MRAP: variants seen among roughly 807,000 people sequenced by gnomAD.
MRAP encodes melanocortin-2 receptor accessory protein.
MRAP carries 8 observed loss-of-function variants against 8.7 expected under a neutral mutation model. That is an observed-to-expected ratio of 0.92 (90% CI 0.54 to 1.66). The LOEUF is 1.66. Among genes scored for constraint, MRAP ranks in the 40% most tolerant of loss-of-function variants. The pLI is 0.00. For synonymous variants in MRAP, 95 were observed against 95.5 expected (o/e 1.00, Z 0.03); for missense variants, 237 against 217.1 (o/e 1.09, Z -0.58).
chr21:32,307,721 A>G (rs1055836622), intron 2 of MRAP, among the ~76,000 whole-genome samples: 2 of 151,602 alleles, frequency 1.3e-5, no homozygotes, highest in Non-Finnish European at 2.9e-5. Context: ...AAAATAACAA[A>G]AAGTTAGCTG....
intron 1 of MRAP, among the ~76,000 whole-genome samples, chr21:32,300,012 G>C (rs1364267701): frequency 6.6e-6 from 1 of 152,188 alleles, no homozygotes; most frequent in African/African-American, 2.4e-5. Context: ...GGAAGATTGG[G>C]TCTCAGCCCT....
At chr21:32,296,648 T>C (rs1441530148), upstream of MRAP, among the ~76,000 whole-genome samples, 1 of 152,204 alleles carries the variant, frequency 6.6e-6, no homozygotes, top group Non-Finnish European at 1.5e-5. Flanking sequence ...ATTGTTACTA[T>C]GCTGAATACT....
chr21:32,314,765 T>C, downstream of MRAP: 5 of 1,426,342 alleles, frequency 3.5e-6, no homozygotes, highest in Non-Finnish European at 9.6e-7. Flanking sequence ...AATAAAGTCC[T>C]CTCAACTTTT....
At chr21:32,314,401 T>C (rs1601114383), downstream of MRAP, 1 of 663,906 alleles carries the variant, frequency 1.5e-6, no homozygotes, top group East Asian at 3.0e-5. Flanking sequence ...GGAAGGCTGG[T>C]TTCGAACTCC....
intron 2 of MRAP, among the ~76,000 whole-genome samples, chr21:32,310,836 G>A (rs1027066008): frequency 3.9e-5 from 6 of 151,936 alleles, no homozygotes; most frequent in South Asian, 2.1e-4. Context: ...CAGTAGAGAC[G>A]GGGTTTCCCT....
chr21:32,305,190 C>T (rs570014148), intron 1 of MRAP, among the ~76,000 whole-genome samples: 3 of 152,124 alleles, frequency 2.0e-5, no homozygotes, highest in African/African-American at 7.2e-5. Flanking sequence ...AGGCTGGTCT[C>T]GAACTCCTGG....
intron 2 of MRAP, among the ~76,000 whole-genome samples, chr21:32,308,889 G>T (rs1417189140): frequency 6.6e-6 from 1 of 152,190 alleles, no homozygotes; most frequent in Non-Finnish European, 1.5e-5. Flanking sequence ...GAAACCCTAA[G>T]CGTAGGAAGC....
At chr21:32,307,962 T>TA (rs2032460206) in intron 2 of MRAP, among the ~76,000 whole-genome samples, 1 of 152,182 alleles carries the variant, frequency 6.6e-6, no homozygotes, top group Non-Finnish European at 1.5e-5. Context: ...ATTGTACTCT[T>TA]TAAATGAGTC....
rs1054361758 is a variant in MRAP at position 32,306,498 on chromosome 21, C to T, written c.107-142C>T. The T allele has an allele frequency of 2.9e-5, 21 of 716,832 alleles. No homozygotes were observed. The African/African-American group carries it at 3.5e-4, about 12-fold the overall frequency. 44.4% of individuals were successfully genotyped at this position (716,832 alleles called of 1,614,324 possible). On this transcript the variant is annotated intron_variant, in intron 1 of 2. Coordinates refer to ENST00000303645, the MANE Select transcript of MRAP (RefSeq NM_001379228.1). Reference sequence around the variant, plus strand: ...AAAGTTATTGTTAATGGGAGATCTTCCCCATGGTAACAGCTGAGAGGCTGG... The same window carrying T: ...AAAGTTATTGTTAATGGGAGATCTTTCCCATGGTAACAGCTGAGAGGCTGG...
At chr21:32,306,085 G>A (rs573711712) in intron 1 of MRAP, among the ~76,000 whole-genome samples, 155 of 152,260 alleles carry the variant, frequency 1.0e-3, no homozygotes, top group South Asian at 1.2e-3. Context: ...CCACCTTGCC[G>A]ATCCAGGCAT....
At chr21:32,305,436 A>T (rs1031915558) in intron 1 of MRAP, among the ~76,000 whole-genome samples, 3 of 152,120 alleles carry the variant, frequency 2.0e-5, no homozygotes, top group African/African-American at 7.2e-5. Flanking sequence ...CTCTATGTAG[A>T]TTACTCTCAC....
At chr21:32,294,057 T>C (rs1209332341), upstream of MRAP, among the ~76,000 whole-genome samples, 2 of 152,168 alleles carry the variant, frequency 1.3e-5, no homozygotes, top group African/African-American at 2.4e-5. Context: ...CTGGAAAATG[T>C]AGGAAGGTCT....
chr21:32,310,296 A>G (rs1355876846), intron 2 of MRAP, among the ~76,000 whole-genome samples: 1 of 148,106 alleles, frequency 6.8e-6, no homozygotes, highest in African/African-American at 2.5e-5. Flanking sequence ...CCTCAGCAAG[A>G]TTTAGGAGTC....
At chr21:32,311,410 C>A in intron 2 of MRAP, 1 of 271,102 alleles carries the variant, frequency 3.7e-6, no homozygotes, top group South Asian at 6.9e-5. Flanking sequence ...TCCCCTCCAC[C>A]CCCCACCCCC....
At chr21:32,314,468 A>G, downstream of MRAP, 1 of 1,301,088 alleles carries the variant, frequency 7.7e-7, no homozygotes, top group South Asian at 1.2e-5. Context: ...TATAGGCGTG[A>G]GCCACCTCAC....
At chr21:32,310,759 G>A (rs910428457) in intron 2 of MRAP, among the ~76,000 whole-genome samples, 3 of 151,640 alleles carry the variant, frequency 2.0e-5, no homozygotes, top group South Asian at 2.1e-4. Context: ...TGATTCTCCT[G>A]CCTCAGCCTC....
At chr21:32,302,979 C>CTTTT (rs57692462) in intron 1 of MRAP, among the ~76,000 whole-genome samples, 1,673 of 124,194 alleles carry the variant, frequency 0.013, 88 homozygotes, top group East Asian at 0.075. Context: ...CCCCAATTCC[C>CTTTT]TTTTTTTTTT....
intron 1 of MRAP, among the ~76,000 whole-genome samples, chr21:32,305,175 T>C (rs2032385721): frequency 6.6e-6 from 1 of 152,092 alleles, no homozygotes; most frequent in South Asian, 2.1e-4. Flanking sequence ...CTTGCTATGT[T>C]GTCCAGGCTG....
upstream of MRAP, among the ~76,000 whole-genome samples, chr21:32,295,519 A>T (rs540868617): frequency 6.6e-6 from 1 of 152,326 alleles, no homozygotes; most frequent in African/African-American, 2.4e-5. Context: ...TTAGAGAGAT[A>T]GTTAACAACA....
Sources: gnomAD v4.1 joint callset for allele counts (sites outside exome capture counted in the v4.1 genomes callset) on GRCh38, gnomAD v4.1.1 for gene constraint, MANE v1.5 for transcripts, NCBI Gene and HGNC (gene_info 2026-07-23, HGNC 2026-07-21) for gene names.